The following PARN variants were observed in gnomAD, a reference collection of about 807,000 sequenced individuals.
PARN encodes poly(A)-specific ribonuclease PARN.
A neutral mutation model predicts 102.8 loss-of-function variants in PARN; 71 were observed. That is an observed-to-expected ratio of 0.69 (90% confidence interval 0.57 to 0.84). The LOEUF (loss-of-function observed/expected upper bound fraction) is 0.84, where lower values mean the gene tolerates loss of function less well. Among genes scored for constraint, PARN ranks in the 40% least tolerant of loss-of-function variants. The pLI, the probability that PARN is intolerant of heterozygous loss-of-function variation, is 0.00. For missense variants in PARN, 782 were observed against 760.9 expected (o/e 1.03, Z -0.33); for synonymous variants, 261 against 252.9 (o/e 1.03, Z -0.30).
intron 21 of PARN, among the ~76,000 whole-genome samples, chr16:14,530,493 A>G (rs1966264297): frequency 6.6e-6 from 1 of 152,108 alleles, no homozygotes; most frequent in African/African-American, 2.4e-5. Flanking sequence ...ATTATAACCC[A>G]GTACACACAC....
chr16:14,443,809 G>C (rs1233405171), intron 23 of PARN, among the ~76,000 whole-genome samples: 2 of 152,130 alleles, frequency 1.3e-5, no homozygotes, highest in Non-Finnish European at 2.9e-5. Flanking sequence ...CTCACTGCCA[G>C]TGCTGGGCCC....
intron 21 of PARN, among the ~76,000 whole-genome samples, chr16:14,508,273 T>TG (rs1964998501): frequency 6.6e-6 from 1 of 152,140 alleles, no homozygotes; most frequent in Non-Finnish European, 1.5e-5. Flanking sequence ...CTCACATCTG[T>TG]AATCCCAGCA....
chr16:14,600,382 A>G (rs757839510), intron 11 of PARN, among the ~76,000 whole-genome samples: 1 of 151,928 alleles, frequency 6.6e-6, no homozygotes, highest in Non-Finnish European at 1.5e-5. Context: ...ATAATTCCTG[A>G]TTTTTTTTCC....
intron 5 of PARN, among the ~76,000 whole-genome samples, chr16:14,622,305 G>GA (rs1972359164): frequency 1.3e-5 from 2 of 152,120 alleles, no homozygotes; most frequent in South Asian, 4.1e-4. Flanking sequence ...CTCCTTCTAG[G>GA]AAATCTACAA....
At chr16:14,545,148 C>G (rs1406833533) in intron 21 of PARN, among the ~76,000 whole-genome samples, 2 of 152,174 alleles carry the variant, frequency 1.3e-5, no homozygotes, top group Admixed American at 6.5e-5. Context: ...AGATCATACT[C>G]TGGCCTGGGT....
chr16:14,620,714 G>A (rs140778704), intron 5 of PARN, among the ~76,000 whole-genome samples: 1 of 152,192 alleles, frequency 6.6e-6, no homozygotes, highest in African/African-American at 2.4e-5. Flanking sequence ...ATAATTCAAG[G>A]GTAAATGTTC....
chr16:14,555,737 TGG>T (rs775733483), intron 18 of PARN, 28 bp from the exon 19 acceptor site: 1 of 1,255,876 alleles, frequency 8.0e-7, no homozygotes, highest in South Asian at 1.5e-5. Flanking sequence ...AAACAAGTAA[TGG>T]GCAATTTCCT....
intron 23 of PARN, among the ~76,000 whole-genome samples, chr16:14,442,881 C>T (rs1207673427): frequency 3.0e-4 from 45 of 152,212 alleles, no homozygotes; most frequent in Non-Finnish European, 4.0e-4. Flanking sequence ...ATGCCCAGCC[C>T]GCTTGGATTT....
chr16:14,629,474 C>T (rs1972894236), intron 2 of PARN, 123 bp downstream of exon 2: 1 of 721,968 alleles, frequency 1.4e-6, no homozygotes, highest in Non-Finnish European at 2.4e-6. Flanking sequence ...ACCTGTGAAA[C>T]CCGCCCAAGG....
chr16:14,479,410 G>C (rs940270282), intron 22 of PARN, among the ~76,000 whole-genome samples: 1 of 151,002 alleles, frequency 6.6e-6, no homozygotes, highest in Non-Finnish European at 1.5e-5. Flanking sequence ...GACAGAGTGA[G>C]ACCCCCATCT....
chr16:14,473,510 T>C (rs1021736448), intron 22 of PARN, among the ~76,000 whole-genome samples: 1 of 152,118 alleles, frequency 6.6e-6, no homozygotes, highest in Non-Finnish European at 1.5e-5. Context: ...AAGATAAAGA[T>C]AGAGATGTAA....
At chr16:14,488,037 A>T (rs1963818860) in intron 21 of PARN, among the ~76,000 whole-genome samples, 1 of 152,214 alleles carries the variant, frequency 6.6e-6, no homozygotes, top group Admixed American at 6.5e-5. Context: ...AAGCTATAGG[A>T]ATTGAGACAG....
intron 22 of PARN, among the ~76,000 whole-genome samples, chr16:14,460,108 T>C (rs892898230): frequency 2.6e-5 from 4 of 152,134 alleles, no homozygotes; most frequent in East Asian, 1.9e-4. Context: ...GCGTAAGCCA[T>C]AAAGGAACTG....
intron 18 of PARN, among the ~76,000 whole-genome samples, chr16:14,570,064 G>A (rs1480075274): frequency 6.6e-6 from 1 of 152,028 alleles, no homozygotes; most frequent in Non-Finnish European, 1.5e-5. Context: ...GAGGAGGCCG[G>A]GTGCGGTGGC....
chr16:14,629,552 CTA>C, intron 2 of PARN, 43 bp downstream of exon 2: 1 of 1,361,184 alleles, frequency 7.3e-7, no homozygotes, highest in Non-Finnish European at 1.1e-6. Context: ...GGAGCCTTGG[CTA>C]TGCACTGCAA....
Position 14,436,655 on chromosome 16 carries a change from A to G in PARN, c.*62T>C, listed in dbSNP as rs1458223957. On this transcript the variant is annotated 3_prime_UTR_variant, in exon 24 of 24. Coordinates refer to ENST00000437198, the MANE Select transcript of PARN (RefSeq NM_002582.4). ...AAGTTAAATACAGTGCGGCTTCCAA[A>G]TGTGCCAGCCGGCTCTTGCTCACAG... is the stretch of plus-strand genomic sequence containing the variant. 3 of 1,268,366 alleles carry G rather than the reference A, an allele frequency of 2.4e-6. No homozygotes were observed. Among genetic ancestry groups the G allele is most frequent in the South Asian group, 1.3e-5 (1 of 78,502 alleles). 78.6% of individuals were successfully genotyped at this position (1,268,366 alleles called of 1,614,324 possible).
intron 18 of PARN, chr16:14,558,533 T>C (rs928893559): frequency 6.6e-6 from 1 of 151,684 alleles, no homozygotes; most frequent in Non-Finnish European, 1.5e-5. Flanking sequence ...TCAAGCACCA[T>C]AAAAATAACT....
chr16:14,534,860 ATT>A (rs1966543374), intron 21 of PARN, among the ~76,000 whole-genome samples: 1 of 150,174 alleles, frequency 6.7e-6, no homozygotes, highest in South Asian at 2.1e-4. Context: ...TGGAGACAGA[ATT>A]TCACTCTTGT....
chr16:14,465,637 C>A (rs1002253969), intron 22 of PARN, among the ~76,000 whole-genome samples: 6 of 151,922 alleles, frequency 3.9e-5, no homozygotes, highest in African/African-American at 1.5e-4. Context: ...TTACCAGATG[C>A]TTTTATGTAA....
Sources: allele counts gnomAD v4.1 joint callset (sites outside exome capture counted in the v4.1 genomes callset), GRCh38; gene constraint gnomAD v4.1.1; transcripts MANE v1.5; gene names NCBI Gene and HGNC (gene_info 2026-07-23, HGNC 2026-07-21).